SNRK: variants seen among roughly 807,000 people sequenced by gnomAD.
SNRK encodes SNF related kinase.
Under a neutral mutation model 48.2 loss-of-function variants are expected in SNRK, and 3 were observed. That is an observed-to-expected ratio of 0.06 (90% confidence interval 0.03 to 0.16). The LOEUF (loss-of-function observed/expected upper bound fraction) is 0.16. Among genes scored for constraint, SNRK ranks in the 10% least tolerant of loss-of-function variants. The probability of loss-of-function intolerance (pLI) is 1.00; values close to 1 mark genes in which losing one functional copy is unlikely to be tolerated. For synonymous variants in SNRK, 376 were observed against 366.1 expected (o/e 1.03, Z -0.31); for missense variants, 627 against 976.0 (o/e 0.64, Z 4.76).
intron 5 of SNRK, chr3:43,340,783 G>T: frequency 2.4e-6 from 1 of 409,376 alleles, no homozygotes; most frequent in East Asian, 4.7e-5. Context: ...AGCTTGTTTT[G>T]TATCCCAGTA....
At chr3:43,296,416 A>ATATATATATATATATATATATATG (rs1491297171) in intron 1 of SNRK, among the ~76,000 whole-genome samples, 1 of 8,710 alleles carries the variant, frequency 1.1e-4, no homozygotes. Context: ...ATATACTGGC[A>ATATATATATATATATATATATATG]TATATATATA....
chr3:43,287,430 G>A (rs1435829432), intron 1 of SNRK, among the ~76,000 whole-genome samples: 3 of 152,180 alleles, frequency 2.0e-5, no homozygotes, highest in African/African-American at 7.2e-5. Context: ...ATTTGTAACT[G>A]TTGGATCGCA....
At chr3:43,300,385 T>C (rs1249796416) in intron 2 of SNRK, among the ~76,000 whole-genome samples, 2 of 152,208 alleles carry the variant, frequency 1.3e-5, no homozygotes, top group African/African-American at 2.4e-5. Flanking sequence ...CAGATTCATT[T>C]ATAAAATCTG....
chr3:43,307,070 T>C (rs1020622226), intron 3 of SNRK, among the ~76,000 whole-genome samples: 1 of 152,192 alleles, frequency 6.6e-6, no homozygotes, highest in Non-Finnish European at 1.5e-5. Context: ...TGTTCCTTTG[T>C]ACCCTTACAT....
Position 43,348,064 on chromosome 3 carries a change from A to G in SNRK, c.1805A>G (p.Asn602Ser), listed in dbSNP as rs771349870. ...GACAAGGCCAGCCCCAGTGAGAACA[A>G]TGCTGGTGGGGGCAGTCCCTCCAGC... ...GVDKASPSEN[N>S]AGGGSPSSGS... Residue 602 changes from asparagine to serine, a missense_variant, in exon 7 of 7, where the codon AAT becomes AGT. Physicochemically the swap from Asn to Ser is conservative, Grantham distance 46 (BLOSUM62 1). This residue lies in a region of SNRK where 207 missense variants were observed against 234.3 expected (regional missense o/e 0.88). Coordinates refer to ENST00000296088, the MANE Select transcript of SNRK (RefSeq NM_017719.5). 2.1e-5 allele frequency: 33 copies of G among 1,603,010 alleles called. 1 individual carries two copies. Among genetic ancestry groups the G allele is most frequent in the South Asian group, 1.2e-4 (11 of 89,510 alleles).
chr3:43,320,300 T>C (rs1462896436), intron 3 of SNRK, among the ~76,000 whole-genome samples: 3 of 152,202 alleles, frequency 2.0e-5, no homozygotes, highest in African/African-American at 7.2e-5. Context: ...GACAGACTTG[T>C]AGATGTTTGG....
chr3:43,294,337 A>G (rs1319465587), intron 1 of SNRK, among the ~76,000 whole-genome samples: 2 of 152,144 alleles, frequency 1.3e-5, no homozygotes, highest in Non-Finnish European at 2.9e-5. Context: ...ATGGGACCCA[A>G]GTCTAAACAT....
rs2090978597 is a variant in SNRK, at chr3:43,311,481, T to C, written c.589+7689T>C. On this transcript the variant is annotated intron_variant, in intron 3 of 6. Coordinates refer to ENST00000296088, the MANE Select transcript of SNRK (RefSeq NM_017719.5). The stretch of plus-strand genomic sequence containing the variant: ...CTCATGCACTATTGATTCAGTCAGC[T>C]CTCTGGGCTTTCAAGAATGTGTATT... 3.3e-5 allele frequency among the ~76,000 whole-genome samples: 5 copies of C among 152,126 alleles called. No homozygotes were observed. The South Asian group carries it at 1.0e-3, about 31-fold the overall frequency.
intron 1 of SNRK, among the ~76,000 whole-genome samples, chr3:43,292,089 T>C (rs189927906): frequency 1.3e-3 from 195 of 152,374 alleles, no homozygotes; most frequent in African/African-American, 4.6e-3. Flanking sequence ...GGAATTCTAA[T>C]GGCCAACTGA....
intron 3 of SNRK, among the ~76,000 whole-genome samples, chr3:43,317,113 G>A (rs1027208743): frequency 2.6e-5 from 4 of 152,096 alleles, no homozygotes; most frequent in Non-Finnish European, 5.9e-5. Flanking sequence ...GTAAGTTCTA[G>A]TACATGAACA....
chr3:43,340,236 C>G, intron 4 of SNRK, 51 bp from the exon 5 acceptor site: 1 of 1,387,546 alleles, frequency 7.2e-7, no homozygotes, highest in Admixed American at 1.7e-5. Flanking sequence ...TCCATCATTA[C>G]TGATCCTTGC....
Position 43,350,588 on chromosome 3 carries a change from G to C in SNRK, c.*2031G>C, listed in dbSNP as rs2091315555. The C allele has an allele frequency of 6.6e-6, 1 of 152,500 alleles. No homozygotes were observed. The highest frequency in any genetic ancestry group is 6.5e-5 in the Admixed American group (1 of 15,274). The allele number at this position is 152,500 out of a possible 1,614,324, so 9.4% of individuals were successfully genotyped here. A position where few individuals can be genotyped will look rare whatever the true frequency, so the allele number is the denominator to read the frequency against. ...TGTATTATAGCCTTATTAGTTGTGT[G>C]GTTGACCCTTGGGGTATACAAATGT... On this transcript the variant is annotated 3_prime_UTR_variant, in exon 7 of 7. Coordinates refer to ENST00000296088, the MANE Select transcript of SNRK (RefSeq NM_017719.5).
intron 1 of SNRK, among the ~76,000 whole-genome samples, chr3:43,290,855 AAAT>A (rs1183158975): frequency 6.6e-6 from 1 of 152,250 alleles, no homozygotes; most frequent in African/African-American, 2.4e-5. Flanking sequence ...ATAAAGAACT[AAAT>A]AAAATGAACA....
chr3:43,344,262 C>A (rs911418667), intron 6 of SNRK, among the ~76,000 whole-genome samples: 1 of 152,092 alleles, frequency 6.6e-6, no homozygotes, highest in Non-Finnish European at 1.5e-5. Flanking sequence ...GAGTAACTTT[C>A]CACTTAAAAT....
chr3:43,340,411 T>C lies in SNRK; in HGVS notation c.856T>C (p.Ser286Pro). Residue 286 changes from serine (S) to proline (P), a missense_variant, in exon 5 of 7, where the codon TCA (serine) becomes CCA (proline). Transcript: ENST00000296088. ...PATKYNIPLV[S>P]YKNLSEEEHN... ...TACAAAGTATAACATTCCCCTTGTG[T>C]CATACAAAAATCTCTCGGAAGAGGA... The C allele has an allele frequency of 6.2e-7, 1 of 1,614,162 alleles. No homozygotes were observed. The highest frequency in any genetic ancestry group is 1.1e-5 in the South Asian group (1 of 91,082).
At chr3:43,315,033 T>C (rs575000876) in intron 3 of SNRK, 1 of 152,336 alleles carries the variant, frequency 6.6e-6, no homozygotes. Context: ...CCAGGAGTTC[T>C]AGGCTGTAGT....
chr3:43,298,431 G>C (rs980746702), intron 1 of SNRK, among the ~76,000 whole-genome samples: 1 of 152,182 alleles, frequency 6.6e-6, no homozygotes, highest in East Asian at 1.9e-4. Flanking sequence ...GGGTTCATCT[G>C]TCACTAGATA....
chr3:43,318,087 C>T (rs946993876), intron 3 of SNRK, among the ~76,000 whole-genome samples: 2 of 152,130 alleles, frequency 1.3e-5, no homozygotes, highest in African/African-American at 4.8e-5. Context: ...TAGATCCTGG[C>T]CTTATTTTCC....
Position 43,348,699 on chromosome 3 carries a change from A to G in SNRK, c.*142A>G, listed in dbSNP as rs1575565721. ...TACCTTTCCATTTGTTCGCCTGATG[A>G]TGTGACAATGCATGGTCTTTGTGCA... On this transcript the variant is annotated 3_prime_UTR_variant, in exon 7 of 7. Transcript: ENST00000296088. 3 of 840,496 alleles carry G rather than the reference A, an allele frequency of 3.6e-6. No homozygotes were observed. Among genetic ancestry groups the G allele is most frequent in the Non-Finnish European group, 3.4e-6 (2 of 595,882 alleles). 52.1% of individuals were successfully genotyped at this position (840,496 alleles called of 1,614,324 possible).
Sources: allele counts gnomAD v4.1 joint callset (sites outside exome capture counted in the v4.1 genomes callset), GRCh38; gene constraint gnomAD v4.1.1; regional missense constraint gnomAD v4.1.1; transcripts MANE v1.5; gene names NCBI Gene and HGNC (gene_info 2026-07-23, HGNC 2026-07-21).